FGF14: variants seen among roughly 807,000 people sequenced by gnomAD.
FGF14 encodes the protein fibroblast growth factor 14.
A neutral mutation model predicts 25.5 loss-of-function variants in FGF14; 5 were observed. The observed-to-expected ratio is 0.20, with a 90% CI of 0.10 to 0.41. FGF14 has a LOEUF of 0.41. Among genes scored for constraint, FGF14 ranks in the 10% least tolerant of loss-of-function variants. FGF14 has a pLI of 1.00. For missense variants in FGF14, 222 were observed against 320.1 expected (o/e 0.69, Z 2.34); for synonymous variants, 138 against 118.3 (o/e 1.17, Z -1.08).
intron 1 of FGF14, among the ~76,000 whole-genome samples, chr13:101,962,918 C>A (rs999435158): frequency 2.0e-5 from 3 of 152,204 alleles, no homozygotes; most frequent in African/African-American, 7.2e-5. Context: ...CTGCACCTTG[C>A]ACATGGGAAG....
At chr13:101,858,025 T>C (rs1481256550) in intron 3 of FGF14, among the ~76,000 whole-genome samples, 2 of 151,972 alleles carry the variant, frequency 1.3e-5, no homozygotes, top group Non-Finnish European at 2.9e-5. Flanking sequence ...AAAAGTTGTT[T>C]TACATATTTT....
At chr13:102,069,639 G>A (rs967596981) in intron 1 of FGF14, among the ~76,000 whole-genome samples, 16 of 151,438 alleles carry the variant, frequency 1.1e-4, no homozygotes. Flanking sequence ...CTGTAACACT[G>A]ACCACAAAGG....
chr13:101,855,903 GTT>G (rs11446357), intron 3 of FGF14, among the ~76,000 whole-genome samples: 1 of 147,498 alleles, frequency 6.8e-6, no homozygotes. Context: ...ATTCCTACAA[GTT>G]TTTTTTTTTT....
intron 1 of FGF14, among the ~76,000 whole-genome samples, chr13:102,079,356 C>T (rs1448309404): frequency 6.6e-6 from 1 of 152,162 alleles, no homozygotes; most frequent in Non-Finnish European, 1.5e-5. Context: ...AGAGTTTGCA[C>T]ATTTTCTTTC....
At chr13:101,821,859 A>T (rs188514040) in intron 3 of FGF14, among the ~76,000 whole-genome samples, 1,848 of 152,254 alleles carry the variant, frequency 0.012, 33 homozygotes, top group African/African-American at 0.042. Flanking sequence ...TTATTTGCCC[A>T]TTTTTAAGTA....
chr13:101,736,664 A>C (rs1216093048), intron 3 of FGF14, among the ~76,000 whole-genome samples: 2 of 152,182 alleles, frequency 1.3e-5, no homozygotes, highest in Non-Finnish European at 2.9e-5. Flanking sequence ...TAAGGTGAGA[A>C]TTGGTGATGG....
At chr13:102,161,686 A>T (rs1244343921) in intron 1 of FGF14, among the ~76,000 whole-genome samples, 8,157 of 69,830 alleles carry the variant, frequency 0.12, 570 homozygotes, top group Middle Eastern at 0.31. Flanking sequence ...GAAGAAGAAG[A>T]AGAAGAAGAA....
At chr13:101,831,162 T>C (rs2042650566) in intron 3 of FGF14, among the ~76,000 whole-genome samples, 1 of 152,034 alleles carries the variant, frequency 6.6e-6, no homozygotes, top group African/African-American at 2.4e-5. Context: ...TCCCATATGA[T>C]TTTTTGAGAA....
intron 1 of FGF14, among the ~76,000 whole-genome samples, chr13:102,268,433 A>C (rs1415058): frequency 0.58 from 88,480 of 151,930 alleles, 25,942 homozygotes; most frequent in Middle Eastern, 0.66. Flanking sequence ...ATATCATTTG[A>C]GTAAAACCAA....
At chr13:101,940,616 C>A (rs1349689774) in intron 1 of FGF14, among the ~76,000 whole-genome samples, 2 of 152,152 alleles carry the variant, frequency 1.3e-5, no homozygotes, top group Admixed American at 6.6e-5. Context: ...CCTACCCATC[C>A]AATCTAAAGT....
intron 1 of FGF14, among the ~76,000 whole-genome samples, chr13:102,065,561 C>G (rs1200126291): frequency 6.6e-6 from 1 of 151,896 alleles, no homozygotes; most frequent in Non-Finnish European, 1.5e-5. Flanking sequence ...ATAGGATGCA[C>G]CTCATATAAG....
intron 1 of FGF14, among the ~76,000 whole-genome samples, chr13:101,948,890 G>GT (rs545041862): frequency 1.1e-4 from 17 of 151,310 alleles, no homozygotes; most frequent in African/African-American, 1.9e-4. Context: ...TTTTGCAAAA[G>GT]TTTTTTTTTC....
Position 102,184,054 on chromosome 13 carries a change from C to T in FGF14, c.208+217417G>A, listed in dbSNP as rs1464654902. On this transcript the variant is annotated intron_variant, in intron 1 of 4. Transcript: ENST00000376131. ...CACTTAGCCTTCTTTGCACATTCTG[C>T]AGGAGTCTTGTGAAATCACTGAGTT... Among the ~76,000 whole-genome samples the T allele has an allele frequency of 2.6e-5, 4 of 152,156 alleles. No homozygotes were observed. In the East Asian group the frequency reaches 5.8e-4, roughly 22 times the overall value.
At chr13:101,881,653 A>G (rs957840562) in intron 1 of FGF14, among the ~76,000 whole-genome samples, 3 of 152,220 alleles carry the variant, frequency 2.0e-5, no homozygotes, top group African/African-American at 7.2e-5. Flanking sequence ...TCACATCTAG[A>G]AAAAGCTTTC....
intron 1 of FGF14, among the ~76,000 whole-genome samples, chr13:102,392,232 A>G (rs2058449521): frequency 6.6e-6 from 1 of 152,240 alleles, no homozygotes. Context: ...AAACTTACAT[A>G]TGTAAATTCA....
At chr13:102,052,159 G>A (rs1235543769) in intron 1 of FGF14, among the ~76,000 whole-genome samples, 3 of 151,908 alleles carry the variant, frequency 2.0e-5, no homozygotes, top group Non-Finnish European at 4.4e-5. Flanking sequence ...GTATTCAGGA[G>A]ATAATATCTA....
chr13:102,140,014 G>C (rs1441042757), intron 1 of FGF14, among the ~76,000 whole-genome samples: 2 of 151,242 alleles, frequency 1.3e-5, no homozygotes, highest in Non-Finnish European at 2.9e-5. Context: ...TCAAGTTTAT[G>C]GTGGCAGCTT....
chr13:101,751,230 G>C (rs1046855608), intron 3 of FGF14, among the ~76,000 whole-genome samples: 4 of 151,980 alleles, frequency 2.6e-5, no homozygotes, highest in African/African-American at 9.7e-5. Flanking sequence ...ATATTGGCTC[G>C]TTCATTATAA....
chr13:102,309,926 A>C (rs1428995621), intron 1 of FGF14, among the ~76,000 whole-genome samples: 1 of 152,186 alleles, frequency 6.6e-6, no homozygotes, highest in East Asian at 1.9e-4. Flanking sequence ...TCTGGATAGA[A>C]ACCTCTGATA....
Sources: gnomAD v4.1 joint callset for allele counts (sites outside exome capture counted in the v4.1 genomes callset) on GRCh38, gnomAD v4.1.1 for gene constraint, MANE v1.5 for transcripts, NCBI Gene and HGNC (gene_info 2026-07-23, HGNC 2026-07-21) for gene names.